The following USP42 variants were observed in gnomAD, a reference collection of about 807,000 sequenced individuals.
The protein encoded by USP42 is ubiquitin carboxyl-terminal hydrolase 42.
A neutral mutation model predicts 113.0 loss-of-function variants in USP42; 23 were observed. The observed-to-expected ratio is 0.20, with a 90% CI of 0.15 to 0.29. USP42 has a LOEUF of 0.29. Among genes scored for constraint, USP42 ranks in the 10% least tolerant of loss-of-function variants. USP42 has a pLI of 1.00. For missense variants in USP42, 2,174 were observed against 1,779.8 expected, an observed-to-expected ratio of 1.22 and a Z score of -3.99; for synonymous variants, 933 against 699.0, an observed-to-expected ratio of 1.33 and a Z score of -5.28.
chr7:6,108,583 C>T (rs1051240787), intron 1 of USP42, among the ~76,000 whole-genome samples: 4 of 152,242 alleles, frequency 2.6e-5, no homozygotes, highest in East Asian at 1.9e-4. Flanking sequence ...CGGGTTCAAG[C>T]GATTCTCCTA....
chr7:6,149,432 A>G, intron 12 of USP42, 151 bp from the exon 13 acceptor site: 3 of 1,010,850 alleles, frequency 3.0e-6, no homozygotes, highest in Non-Finnish European at 4.2e-6. Context: ...GGAGGGATTG[A>G]GAAAAACAGA....
At chr7:6,111,077 T>G in intron 1 of USP42, 48 bp from the exon 2 acceptor site, 1 of 1,563,254 alleles carries the variant, frequency 6.4e-7, no homozygotes, top group Non-Finnish European at 8.7e-7. Flanking sequence ...GTAAGGAGAT[T>G]GCTTTTCTCA....
Position 6,150,489 on chromosome 7 carries a change from C to A in USP42, c.2184C>A (p.Gly728=). 1 of 1,613,918 alleles carries A rather than the reference C, an allele frequency of 6.2e-7. No homozygotes were observed. The highest frequency in any genetic ancestry group is 8.5e-7 in the Non-Finnish European group (1 of 1,179,868). Residue 728 remains glycine (G), a synonymous_variant, in exon 14 of 18, where the codon GGC becomes GGA. Coordinates refer to ENST00000306177, the MANE Select transcript of USP42 (RefSeq NM_032172.3). ...ETFRLSNKLK[G]STDEMSAPGA... ...TCAGGCTTAGCAACAAACTGAAAGGCTCGACGGATGAAATGAGGTAACGTA... is the reference window on the plus strand; with the variant it reads ...TCAGGCTTAGCAACAAACTGAAAGGATCGACGGATGAAATGAGGTAACGTA...
chr7:6,083,430 A>G, the USP42 span, among the ~76,000 whole-genome samples: 15 of 148,742 alleles, frequency 1.0e-4, no homozygotes, highest in Non-Finnish European at 1.5e-5. Context: ...TAATTTTTGT[A>G]TTTTTAGTAA....
chr7:6,109,542 C>A (rs1049554800), intron 1 of USP42, among the ~76,000 whole-genome samples: 4 of 151,720 alleles, frequency 2.6e-5, no homozygotes, highest in African/African-American at 4.8e-5. Context: ...TACAGGCGTG[C>A]GCCACCATGC....
chr7:6,143,881 TC>T (rs1261205431), intron 8 of USP42, among the ~76,000 whole-genome samples: 7 of 152,298 alleles, frequency 4.6e-5, no homozygotes, highest in Middle Eastern at 3.4e-3. Flanking sequence ...TAACTTCCTT[TC>T]CTTTCATGCT....
chr7:6,132,290 A>T (rs1252619979), intron 3 of USP42, among the ~76,000 whole-genome samples: 1 of 152,170 alleles, frequency 6.6e-6, no homozygotes, highest in African/African-American at 2.4e-5. Context: ...TGTGCCTGAT[A>T]AGAAGTCTGT....
Position 6,122,839 on chromosome 7 carries a change from A to G in USP42, c.442+7316A>G, listed in dbSNP as rs181339046. ...GGCTCATCTCAAACTCCTGGCTTCAAGACAGTTGTCTTGAACTGCTGGCGC... is the reference window on the plus strand; with the variant it reads ...GGCTCATCTCAAACTCCTGGCTTCAGGACAGTTGTCTTGAACTGCTGGCGC... On this transcript the variant is annotated intron_variant, in intron 3 of 17. Coordinates refer to ENST00000306177, the MANE Select transcript of USP42 (RefSeq NM_032172.3). Among the ~76,000 whole-genome samples, 7 of 151,604 alleles carry G rather than the reference A, an allele frequency of 4.6e-5. No homozygotes were observed. In the East Asian group the frequency reaches 1.4e-3, roughly 30 times the overall value.
rs1012225410 is a variant in USP42 at position 6,158,580 on chromosome 7, C to T, written c.3944-870C>T. 6.6e-6 allele frequency among the ~76,000 whole-genome samples: 1 copy of T among 152,168 alleles called. No individual in the cohort carries two copies. Among genetic ancestry groups the T allele is most frequent in the Non-Finnish European group, 1.5e-5 (1 of 68,038 alleles). On this transcript the variant is annotated intron_variant, in intron 16 of 17. Transcript: ENST00000306177. This position sits in a 1 kb window ranked among gnomAD's most constrained non-coding sequence, Gnocchi z 4.2. ...GAGAGCTGGGGGTTGCGGGGTGAGC[C>T]CCATGGGGGACATTTGCCCATGGAG... is the stretch of plus-strand genomic sequence containing the variant.
chr7:6,148,355 AAAC>A (rs1216157679), intron 12 of USP42, among the ~76,000 whole-genome samples: 1 of 152,156 alleles, frequency 6.6e-6, no homozygotes, highest in Non-Finnish European at 1.5e-5. Context: ...CCCCCCAAAA[AAAC>A]AAAAACCCCA....
At chr7:6,142,849 A>C in intron 7 of USP42, 83 bp from the exon 8 acceptor site, 1 of 1,339,830 alleles carries the variant, frequency 7.5e-7, no homozygotes, top group East Asian at 2.3e-5. Flanking sequence ...GTGCCACTGC[A>C]CTCCAGCCTG....
Position 6,154,561 on chromosome 7 carries a change from G to C in USP42, c.3007G>C (p.Gly1003Arg). The change falls in exon 15 of 18, where the codon GGC becomes CGC. Residue 1003 changes from glycine to arginine, a missense_variant. Transcript: ENST00000306177. Reference sequence around the variant, plus strand: ...CGCCCCGGAGCACCACCCCGGCCACGGCGACAGGCTCAGCCCTGGCGAGCG... The same window carrying C: ...CGCCCCGGAGCACCACCCCGGCCACCGCGACAGGCTCAGCCCTGGCGAGCG... Reference protein sequence around the residue: ...RHAPEHHPGHGDRLSPGERRS... With the variant: ...RHAPEHHPGHRDRLSPGERRS... 1.9e-6 allele frequency: 3 copies of C among 1,552,204 alleles called. No homozygotes were observed. The highest frequency in any genetic ancestry group is 2.6e-6 in the Non-Finnish European group (3 of 1,150,400).
rs1266754322 is a variant in USP42 at position 6,157,226 on chromosome 7, G to A, written c.3943+171G>A. On this transcript the variant is annotated intron_variant, in intron 16 of 17. Transcript: ENST00000306177. The surrounding 1 kb of genome is among the most constrained non-coding windows in gnomAD (Gnocchi z 4.1). ...CCTCAGTGCTCATCCCTGCAGTGTG[G>A]TTCCGTTGCACAGTTAAGCCCTTAG... The A allele has an allele frequency of 4.5e-5, 63 of 1,407,862 alleles. No homozygotes were observed. Among genetic ancestry groups the A allele is most frequent in the Non-Finnish European group, 5.2e-5 (57 of 1,085,934 alleles). 87.2% of individuals were successfully genotyped at this position (1,407,862 alleles called of 1,614,324 possible). A position where few individuals can be genotyped will look rare whatever the true frequency, so the allele number is the denominator to read the frequency against.
chr7:6,124,008 T>C (rs1263310354), intron 3 of USP42, among the ~76,000 whole-genome samples: 11 of 152,114 alleles, frequency 7.2e-5, no homozygotes, highest in Admixed American at 7.2e-4. Context: ...CCTAAGTAGC[T>C]GGGATTACAG....
intron 3 of USP42, among the ~76,000 whole-genome samples, chr7:6,131,482 C>T (rs1250417574): frequency 6.6e-6 from 1 of 151,968 alleles, no homozygotes; most frequent in African/African-American, 2.4e-5. Flanking sequence ...TCAAAAAAAA[C>T]AAACCAAACA....
At chr7:6,091,978 T>TTTCTTCTTC in the USP42 span, among the ~76,000 whole-genome samples, 155 of 67,920 alleles carry the variant, frequency 2.3e-3, 8 homozygotes, top group East Asian at 8.1e-3. Context: ...GGACGTATTT[T>TTTCTTCTTC]TTCTTCTTCT....
intron 3 of USP42, among the ~76,000 whole-genome samples, chr7:6,124,200 G>A (rs76351156): frequency 0.011 from 1,693 of 152,038 alleles, 33 homozygotes; most frequent in African/African-American, 0.038. Context: ...TATGATTCAT[G>A]TTAGCATGAT....
intron 3 of USP42, among the ~76,000 whole-genome samples, chr7:6,122,172 T>A (rs529808717): frequency 6.6e-6 from 1 of 152,340 alleles, no homozygotes; most frequent in Non-Finnish European, 1.5e-5. Flanking sequence ...CTTAGGTCAT[T>A]TGATTTGAGA....
chr7:6,135,741 A>G (rs1047892797), intron 3 of USP42, 100 bp from the exon 4 acceptor site: 7 of 487,282 alleles, frequency 1.4e-5, no homozygotes, highest in African/African-American at 1.4e-4. Flanking sequence ...TATAGCAGCT[A>G]TTATTTCATT....
Sources: allele counts gnomAD v4.1 joint callset (sites outside exome capture counted in the v4.1 genomes callset), GRCh38; gene constraint gnomAD v4.1.1; non-coding constraint Gnocchi (gnomAD v3.1); transcripts MANE v1.5; gene names NCBI Gene and HGNC (gene_info 2026-07-23, HGNC 2026-07-21).